The following STT3B variants were observed in gnomAD, a reference collection of about 807,000 sequenced individuals.
The protein encoded by STT3B is dolichyl-diphosphooligosaccharide--protein glycosyltransferase subunit STT3B.
STT3B carries 29 observed loss-of-function variants against 96.8 expected under a neutral mutation model. That is an observed-to-expected ratio of 0.30 (90% CI 0.22 to 0.41). STT3B has a LOEUF of 0.41. Among genes scored for constraint, STT3B ranks in the 10% least tolerant of loss-of-function variants. The pLI is 1.00. For synonymous variants in STT3B, 367 were observed against 360.0 expected (o/e 1.02, Z -0.22); for missense variants, 640 against 1,022.3 (o/e 0.63, Z 5.10).
At chr3:31,537,143 TAGAA>T (rs1365563031) in intron 1 of STT3B, among the ~76,000 whole-genome samples, 3 of 152,210 alleles carry the variant, frequency 2.0e-5, no homozygotes, top group Non-Finnish European at 2.9e-5. Context: ...AGTTGGAACT[TAGAA>T]TGCAATTTTT....
intron 8 of STT3B, 49 bp from the exon 9 acceptor site, chr3:31,619,627 T>C (rs1575444685): frequency 6.7e-7 from 1 of 1,500,904 alleles, no homozygotes; most frequent in Non-Finnish European, 9.1e-7. Context: ...TAAAAGGAAC[T>C]CCTGTTTTAT....
At chr3:31,588,762 A>T (rs1482429305) in intron 3 of STT3B, among the ~76,000 whole-genome samples, 3 of 151,946 alleles carry the variant, frequency 2.0e-5, no homozygotes, top group Non-Finnish European at 2.9e-5. Flanking sequence ...ATTATTTGTT[A>T]AAAAAATTAT....
intron 1 of STT3B, among the ~76,000 whole-genome samples, chr3:31,538,775 A>G (rs769551207): frequency 1.3e-5 from 2 of 152,028 alleles, no homozygotes; most frequent in Admixed American, 6.5e-5. Context: ...TTAACCTGCT[A>G]CTCTGTCTTC....
At position 31,618,013 on chromosome 3, in the gene STT3B, A is replaced by G. The variant is rs200496224; in HGVS notation, c.1172+25A>G. 463 of 1,498,724 alleles carry G rather than the reference A, an allele frequency of 3.1e-4. 1 individual carries two copies. Among genetic ancestry groups the G allele is most frequent in the Non-Finnish European group, 3.9e-4 (420 of 1,077,000 alleles). 92.8% of individuals were successfully genotyped at this position (1,498,724 alleles called of 1,614,324 possible). ...GGTAAGTACAGTTACATTATTTGGC[A>G]TCATATTTATTGAAATACTGCTTTT... is the stretch of plus-strand genomic sequence containing the variant. On this transcript the variant is annotated intron_variant, in intron 8 of 15. Coordinates refer to ENST00000295770, the MANE Select transcript of STT3B (RefSeq NM_178862.3).
rs867029109 is a variant in STT3B, at chr3:31,540,101, G to A, written c.314+6789G>A. Among the ~76,000 whole-genome samples, 7 of 152,180 alleles carry A rather than the reference G, an allele frequency of 4.6e-5. No homozygotes were observed. The East Asian group carries it at 9.6e-4, about 21-fold the overall frequency. On this transcript the variant is annotated intron_variant, in intron 1 of 15. Coordinates refer to ENST00000295770, the MANE Select transcript of STT3B (RefSeq NM_178862.3). ...GTAGAAGGGAATATTTTGAGAAGTC[G>A]TTTGAAATTGTTACTTCAGAAGATG...
chr3:31,616,788 C>A, intron 6 of STT3B, 141 bp from the exon 7 acceptor site: 1 of 670,098 alleles, frequency 1.5e-6, no homozygotes, highest in Non-Finnish European at 2.3e-6. Context: ...TGTCATTTGA[C>A]AAAGGAAATG....
chr3:31,535,330 T>A (rs1265681183), intron 1 of STT3B, among the ~76,000 whole-genome samples: 2 of 151,212 alleles, frequency 1.3e-5, no homozygotes, highest in African/African-American at 2.4e-5. Context: ...ATTTTTTATT[T>A]TTATTATTTT....
At chr3:31,585,257 A>G (rs1043739304) in intron 3 of STT3B, among the ~76,000 whole-genome samples, 2 of 152,052 alleles carry the variant, frequency 1.3e-5, no homozygotes, top group African/African-American at 2.4e-5. Context: ...AGTAAAGTCT[A>G]TAGCATAATT....
chr3:31,585,299 C>T (rs1353788520), intron 3 of STT3B, among the ~76,000 whole-genome samples: 2 of 152,026 alleles, frequency 1.3e-5, no homozygotes, highest in Non-Finnish European at 2.9e-5. Context: ...GGTTTGATTT[C>T]CAGCTCTGTC....
intron 5 of STT3B, among the ~76,000 whole-genome samples, chr3:31,605,229 T>C (rs1268375656): frequency 6.6e-6 from 1 of 152,142 alleles, no homozygotes; most frequent in African/African-American, 2.4e-5. Flanking sequence ...GAAAATAAAC[T>C]TTCACTCAAC....
chr3:31,574,200 G>GTGT (rs1559371223), intron 1 of STT3B, among the ~76,000 whole-genome samples: 1 of 152,066 alleles, frequency 6.6e-6, no homozygotes, highest in African/African-American at 2.4e-5. Context: ...TTTCGGGGGG[G>GTGT]TGTTACTCTT....
At chr3:31,591,882 A>C (rs1428024576) in intron 3 of STT3B, among the ~76,000 whole-genome samples, 1 of 151,988 alleles carries the variant, frequency 6.6e-6, no homozygotes, top group South Asian at 2.1e-4. Context: ...GACTTTCTTT[A>C]ATATTTTTTC....
chr3:31,588,460 T>G (rs1490390598), intron 3 of STT3B, among the ~76,000 whole-genome samples: 1 of 152,092 alleles, frequency 6.6e-6, no homozygotes, highest in African/African-American at 2.4e-5. Context: ...AAAATCCTTT[T>G]ACAAAAATGT....
At position 31,614,574 on chromosome 3, in the gene STT3B, C is replaced by A. The variant is rs556076596; in HGVS notation, c.878-531C>A. On this transcript the variant is annotated intron_variant, in intron 5 of 15. Transcript: ENST00000295770. ...TTCTGTGTACTTAGTTCTTTAATTACAGAAAACTTGGTGGACATATGAATT... is the reference window on the plus strand; with the variant it reads ...TTCTGTGTACTTAGTTCTTTAATTAAAGAAAACTTGGTGGACATATGAATT... Among the ~76,000 whole-genome samples, 7 of 151,992 alleles carry A rather than the reference C, an allele frequency of 4.6e-5. No individual in the cohort carries two copies. In the South Asian group the frequency reaches 1.4e-3, roughly 31 times the overall value.
intron 1 of STT3B, among the ~76,000 whole-genome samples, chr3:31,557,482 A>G (rs1697748884): frequency 6.6e-6 from 1 of 152,262 alleles, no homozygotes; most frequent in East Asian, 1.9e-4. Flanking sequence ...CATTTTAACA[A>G]TACTAATATT....
At chr3:31,620,632 A>G (rs1390854074) in intron 9 of STT3B, among the ~76,000 whole-genome samples, 1 of 152,200 alleles carries the variant, frequency 6.6e-6, no homozygotes, top group African/African-American at 2.4e-5. Flanking sequence ...AGGGTTCTAT[A>G]TTTCTAATAT....
intron 3 of STT3B, among the ~76,000 whole-genome samples, chr3:31,594,337 A>G (rs755515194): frequency 6.6e-6 from 1 of 152,024 alleles, no homozygotes; most frequent in East Asian, 1.9e-4. Context: ...TCCCCAAGAC[A>G]CTGTCCCAGC....
intron 15 of STT3B, 94 bp from the exon 16 acceptor site, chr3:31,635,890 A>G: frequency 1.2e-6 from 1 of 816,718 alleles, no homozygotes; most frequent in Non-Finnish European, 1.9e-6. Flanking sequence ...AGAGCTTACT[A>G]AGTCATCATA....
rs1428442420 is a variant in STT3B at position 31,576,440 on chromosome 3, A to G, written c.359A>G (p.Tyr120Cys). 2.5e-6 allele frequency: 4 copies of G among 1,606,532 alleles called. No homozygotes were observed. Among genetic ancestry groups the G allele is most frequent in the African/African-American group, 1.3e-5 (1 of 74,434 alleles). ...CATCATCTTGCATCTCATGGGTTCT[A>G]TGAATTTTTAAATTGGTTTGATGAA... ...STHHLASHGFYEFLNWFDERA... is the reference protein window; with the variant it reads ...STHHLASHGFCEFLNWFDERA... The change falls in exon 2 of 16, where the codon TAT becomes TGT. Residue 120 changes from tyrosine (Y) to cysteine (C), a missense_variant. Coordinates refer to ENST00000295770, the MANE Select transcript of STT3B (RefSeq NM_178862.3).
Sources: allele counts gnomAD v4.1 joint callset (sites outside exome capture counted in the v4.1 genomes callset), GRCh38; gene constraint gnomAD v4.1.1; transcripts MANE v1.5; gene names NCBI Gene and HGNC (gene_info 2026-07-23, HGNC 2026-07-21).